Variants in ABCC8 observed in about 807,000 individuals in gnomAD.
The protein encoded by ABCC8 is ATP binding cassette subfamily C member 8, also known as ATP-binding cassette sub-family C member 8.
A neutral mutation model predicts 188.0 loss-of-function variants in ABCC8; 137 were observed. The observed-to-expected ratio is 0.73, with a 90% CI of 0.63 to 0.84. The LOEUF is 0.84. Ranked by LOEUF, ABCC8 falls within the 40% of genes least tolerant of loss-of-function variation. ABCC8 has a pLI of 0.00. For synonymous variants in ABCC8, 797 were observed against 846.5 expected, an observed-to-expected ratio of 0.94 and a Z score of 1.01; for missense variants, 1,750 against 2,072.7, an observed-to-expected ratio of 0.84 and a Z score of 3.02.
At chr11:17,442,689 A>G (rs1490349532) in intron 10 of ABCC8, 31 bp downstream of exon 10, 1 of 1,608,328 alleles carries the variant, frequency 6.2e-7, no homozygotes, top group Non-Finnish European at 8.5e-7. Flanking sequence ...ACGCAGCAGC[A>G]CCCAGGGCTG....
Position 17,453,120 on chromosome 11 carries a change from T to C in ABCC8, c.1175A>G (p.Gln392Arg), listed in dbSNP as rs1384981601. ...GTGAAAAAATAATCATCCAAGTACC[T>C]GTATTGCTCCTCTCAAGTTAATTCC... ...ETGINLRGAI[Q>R]TKIYNKIMHL... The change falls in exon 7 of 39, where the codon CAG (glutamine) becomes CGG (arginine). Residue 392 changes from glutamine to arginine, a missense_variant and splice_region_variant. Physicochemically the swap from Gln to Arg is conservative, Grantham distance 43. Transcript: ENST00000389817. The C allele has an allele frequency of 1.2e-6, 2 of 1,611,668 alleles. No individual in the cohort carries two copies. The highest frequency in any genetic ancestry group is 1.7e-6 in the Non-Finnish European group (2 of 1,177,862).
In ABCC8 at chr11:17,453,248, T is replaced by C; in HGVS notation, c.1047A>G (p.Gln349=). 1.9e-6 allele frequency: 3 copies of C among 1,614,092 alleles called. No individual in the cohort carries two copies. Among genetic ancestry groups the C allele is most frequent in the Non-Finnish European group, 2.5e-6 (3 of 1,180,010 alleles). The change falls in exon 7 of 39, where the codon CAA becomes CAG. Residue 349 remains glutamine (Q), a synonymous_variant. Coordinates refer to ENST00000389817, the MANE Select transcript of ABCC8 (RefSeq NM_000352.6). Reference sequence around the variant, plus strand: ...AGACGTAGGCATTGGCAAGGAACTCTTGGGATGAGACAAAGTAAACCCCGA... The same window carrying C: ...AGACGTAGGCATTGGCAAGGAACTCCTGGGATGAGACAAAGTAAACCCCGA... ...QFLGVYFVSS[Q]EFLANAYVLA...
intron 16 of ABCC8, among the ~76,000 whole-genome samples, chr11:17,419,121 C>T (rs750497173): frequency 6.6e-6 from 1 of 152,220 alleles, no homozygotes; most frequent in African/African-American, 2.4e-5. Flanking sequence ...AAGCCTCCTC[C>T]AGTGAGCCTC....
intron 6 of ABCC8, among the ~76,000 whole-genome samples, chr11:17,457,887 A>G (rs936949147): frequency 1.3e-5 from 2 of 152,150 alleles, no homozygotes; most frequent in African/African-American, 2.4e-5. Context: ...GGCTGGGCAG[A>G]AAAAACGGCT....
chr11:17,460,059 A>G (rs1334148423), intron 6 of ABCC8, among the ~76,000 whole-genome samples: 2 of 152,252 alleles, frequency 1.3e-5, no homozygotes, highest in Non-Finnish European at 2.9e-5. Flanking sequence ...AGTAGCTCCC[A>G]AGATGCCCCT....
chr11:17,436,221 G>A (rs144657444), intron 10 of ABCC8: 31 of 620,614 alleles, frequency 5.0e-5, no homozygotes, highest in Non-Finnish European at 7.7e-5. Flanking sequence ...AGCTACTTGT[G>A]TTTTAAAGGT....
chr11:17,458,387 A>C (rs1259364197), intron 6 of ABCC8, among the ~76,000 whole-genome samples: 1 of 152,254 alleles, frequency 6.6e-6, no homozygotes, highest in Non-Finnish European at 1.5e-5. Context: ...TAAAATTCTA[A>C]GTGCTTTCGC....
rs774603418 is a variant in ABCC8, at chr11:17,407,394, G to A, written c.2880C>T (p.Ser960=). Residue 960 remains serine (S), a synonymous_variant, in exon 24 of 39, where the codon TCC becomes TCT. Coordinates refer to ENST00000389817, the MANE Select transcript of ABCC8 (RefSeq NM_000352.6). The part of the protein sequence containing the change: ...EPPQGLSRAM[S]SRDGLLQDEE... ...CATCCTGCAGAAGGCCATCCCTCGA[G>A]GACATGGCACGAGATAGGCCCTGGG... The A allele has an allele frequency of 2.5e-6, 4 of 1,614,160 alleles. 1 individual carries two copies. The South Asian group carries it at 3.3e-5, about 13-fold the overall frequency.
chr11:17,418,488 G>A (rs1955184786), intron 16 of ABCC8, among the ~76,000 whole-genome samples: 1 of 152,196 alleles, frequency 6.6e-6, no homozygotes, highest in Non-Finnish European at 1.5e-5. Flanking sequence ...TCAGATGGCT[G>A]TAATTTACAA....
intron 23 of ABCC8, 39 bp from the exon 24 acceptor site, chr11:17,407,492 A>G: frequency 1.2e-6 from 2 of 1,613,980 alleles, no homozygotes; most frequent in Non-Finnish European, 1.7e-6. Flanking sequence ...TCTTCAGGAT[A>G]TATGGTTGGT....
chr11:17,414,188 G>A (rs1182845029), intron 19 of ABCC8, among the ~76,000 whole-genome samples: 4 of 152,200 alleles, frequency 2.6e-5, no homozygotes, highest in African/African-American at 9.7e-5. Flanking sequence ...ATTATCATTG[G>A]AGGGAAAATA....
chr11:17,440,940 A>G (rs1956291422), intron 10 of ABCC8, among the ~76,000 whole-genome samples: 2 of 152,172 alleles, frequency 1.3e-5, no homozygotes, highest in South Asian at 4.1e-4. Context: ...AGGCAGCAAG[A>G]ATGCCAAGAA....
chr11:17,458,562 G>T (rs563771004), intron 6 of ABCC8, among the ~76,000 whole-genome samples: 1 of 152,294 alleles, frequency 6.6e-6, no homozygotes, highest in Non-Finnish European at 1.5e-5. Context: ...CTTCAGGATC[G>T]CCAATGGGGG....
chr11:17,401,967 C>T (rs574653246), intron 29 of ABCC8, among the ~76,000 whole-genome samples: 1 of 152,230 alleles, frequency 6.6e-6, no homozygotes, highest in Non-Finnish European at 1.5e-5. Flanking sequence ...CTTCTATGCT[C>T]CCACAGCCCT....
At chr11:17,403,005 T>C (rs1484310878) in intron 28 of ABCC8, among the ~76,000 whole-genome samples, 1 of 152,244 alleles carries the variant, frequency 6.6e-6, no homozygotes, top group African/African-American at 2.4e-5. Context: ...GTCCTGGGCA[T>C]TGTCAACCCC....
chr11:17,470,425 T>A lies in ABCC8; in HGVS notation c.291-203A>T, dbSNP rs189153686. The stretch of plus-strand genomic sequence containing the variant: ...ATGGAGTAGAGCTGGGTATATGATC[T>A]GGAGGCCTTACTATGTGCTGAGCCC... On this transcript the variant is annotated intron_variant, in intron 2 of 38. Coordinates refer to ENST00000389817, the MANE Select transcript of ABCC8 (RefSeq NM_000352.6). The A allele has an allele frequency of 4.7e-4, 164 of 352,266 alleles. 1 individual carries two copies. The highest frequency in any genetic ancestry group is 3.5e-3 in the African/African-American group (156 of 44,802). 21.8% of individuals were successfully genotyped at this position (352,266 alleles called of 1,614,324 possible). A position where few individuals can be genotyped will look rare whatever the true frequency, so the allele number is the denominator to read the frequency against.
At chr11:17,406,028 C>G (rs376820074) in intron 26 of ABCC8, among the ~76,000 whole-genome samples, 200 of 152,374 alleles carry the variant, frequency 1.3e-3, no homozygotes, top group African/African-American at 4.7e-3. Flanking sequence ...ACAGAAAACT[C>G]ATGAGGCTGG....
downstream of ABCC8, chr11:17,392,537 C>A: frequency 3.7e-6 from 1 of 269,058 alleles, no homozygotes. Context: ...CCTTTTAAGA[C>A]ACAGAGAGAA....
chr11:17,474,773 T>C, intron 2 of ABCC8, 113 bp downstream of exon 2: 1 of 1,197,732 alleles, frequency 8.3e-7, no homozygotes, highest in Non-Finnish European at 1.2e-6. Flanking sequence ...CTGCTGGATG[T>C]AGTAACAAAA....
Sources: gnomAD v4.1 joint callset for allele counts (sites outside exome capture counted in the v4.1 genomes callset) on GRCh38, gnomAD v4.1.1 for gene constraint, MANE v1.5 for transcripts, NCBI Gene and HGNC (gene_info 2026-07-23, HGNC 2026-07-21) for gene names.